The following C9orf57 variants were observed in gnomAD, a reference collection of about 807,000 sequenced individuals.
C9orf57 encodes the protein uncharacterized protein C9orf57.
Under a neutral mutation model 12.9 loss-of-function variants are expected in C9orf57, and 12 were observed. The observed-to-expected ratio is 0.93, with a 90% confidence interval of 0.60 to 1.51. The LOEUF is 1.51. Ranked by LOEUF, C9orf57 falls within the 40% of genes most tolerant of loss-of-function variation. The probability of loss-of-function intolerance (pLI) is 0.00; values close to 1 mark genes in which losing one functional copy is unlikely to be tolerated. For missense variants in C9orf57, 141 were observed against 162.8 expected (o/e 0.87, Z 0.73); for synonymous variants, 49 against 57.1 (o/e 0.86, Z 0.64).
At chr9:72,056,418 G>C (rs1171468077) in intron 3 of C9orf57, among the ~76,000 whole-genome samples, 1 of 150,906 alleles carries the variant, frequency 6.6e-6, no homozygotes, top group Non-Finnish European at 1.5e-5. Context: ...GGTGCACAGG[G>C]CCCAAGTTTA....
chr9:72,059,393 G>A lies in C9orf57; in HGVS notation c.-53-9C>T. On this transcript the variant is annotated splice_polypyrimidine_tract_variant and intron_variant, in intron 1 of 4. Coordinates refer to ENST00000651200, the MANE Select transcript of C9orf57 (RefSeq NM_001128618.2). ...ACACGTCCCACTGATTTCTGGGGAA[G>A]CAATAAAGTTACACATTTATGTTAG... The A allele has an allele frequency of 6.4e-7, 1 of 1,551,244 alleles. No individual in the cohort carries two copies.
chr9:72,053,682 T>G (rs550555882), intron 4 of C9orf57, among the ~76,000 whole-genome samples: 1 of 152,258 alleles, frequency 6.6e-6, no homozygotes, highest in South Asian at 2.1e-4. Flanking sequence ...CAAGTAACCC[T>G]CTTAATACCA....
At chr9:72,055,443 G>A (rs919080873) in intron 4 of C9orf57, among the ~76,000 whole-genome samples, 2 of 112,520 alleles carry the variant, frequency 1.8e-5, no homozygotes, top group African/African-American at 7.2e-5. Flanking sequence ...CTTCCTTTTC[G>A]AGACATGATC....
intron 4 of C9orf57, among the ~76,000 whole-genome samples, chr9:72,053,211 T>C (rs555517502): frequency 2.0e-5 from 3 of 152,306 alleles, no homozygotes; most frequent in African/African-American, 7.2e-5. Flanking sequence ...ATGATGCTGC[T>C]GTACATCCTA....
Position 72,056,889 on chromosome 9 carries a change from A to C in C9orf57, c.98-46T>G, listed in dbSNP as rs1387742665. 6 of 1,463,346 alleles carry C rather than the reference A, an allele frequency of 4.1e-6. No individual in the cohort carries two copies. In the Admixed American group the frequency reaches 1.2e-4, roughly 29 times the overall value. 90.6% of individuals were successfully genotyped at this position (1,463,346 alleles called of 1,614,324 possible). A position where few individuals can be genotyped will look rare whatever the true frequency, so the allele number is the denominator to read the frequency against. ...GGGATTGAAAGATTGCATGCTCTGC[A>C]AATGTATACATATATATGTATACTT... is the stretch of plus-strand genomic sequence containing the variant. On this transcript the variant is annotated intron_variant, in intron 2 of 4. Coordinates refer to ENST00000651200, the MANE Select transcript of C9orf57 (RefSeq NM_001128618.2).
chr9:72,056,091 T>C lies in C9orf57; in HGVS notation c.263A>G (p.Glu88Gly). Residue 88 changes from glutamate (E) to glycine (G), a missense_variant, in exon 4 of 5, where the codon GAA becomes GGA. Physicochemically the swap from Glu to Gly is moderately conservative, Grantham distance 98. Coordinates refer to ENST00000651200, the MANE Select transcript of C9orf57 (RefSeq NM_001128618.2). ...CQAEPGQYCKEEVHIQGGIQW... is the reference protein window; with the variant it reads ...CQAEPGQYCKGEVHIQGGIQW... The stretch of plus-strand genomic sequence containing the variant: ...AAACTTACCTTGAATGTGGACCTCT[T>C]CTTTACAGTACTGACCAGGTTCTGC... The C allele has an allele frequency of 6.5e-7, 1 of 1,548,664 alleles. No individual in the cohort carries two copies. The highest frequency in any genetic ancestry group is 8.7e-7 in the Non-Finnish European group (1 of 1,145,160).
intron 4 of C9orf57, among the ~76,000 whole-genome samples, chr9:72,053,120 C>T (rs1170772874): frequency 6.6e-6 from 1 of 152,038 alleles, no homozygotes; most frequent in East Asian, 1.9e-4. Flanking sequence ...GGGTAATACC[C>T]AGAGACATTG....
At position 72,052,612 on chromosome 9, in the gene C9orf57, T is replaced by C. The variant is rs1044024692; in HGVS notation, c.281-177A>G. ...TATTTTACCTTTAAGAACTCCCACTTAGACTATTGTAGTTGGGTACATTGC... is the reference window on the plus strand; with the variant it reads ...TATTTTACCTTTAAGAACTCCCACTCAGACTATTGTAGTTGGGTACATTGC... On this transcript the variant is annotated intron_variant, in intron 4 of 4. Coordinates refer to ENST00000651200, the MANE Select transcript of C9orf57 (RefSeq NM_001128618.2). Among the ~76,000 whole-genome samples the C allele has an allele frequency of 2.0e-5, 3 of 152,200 alleles. No individual in the cohort carries two copies. The East Asian group carries it at 5.8e-4, about 29-fold the overall frequency.
chr9:72,055,962 A>G (rs1231209872), intron 4 of C9orf57, 112 bp downstream of exon 4: 1 of 1,115,788 alleles, frequency 9.0e-7, no homozygotes, highest in Non-Finnish European at 1.2e-6. Context: ...TTGTTGGTGT[A>G]ATGTAGCCCT....
rs1235690219 is a variant in C9orf57, at chr9:72,060,497, C to T, written c.-54G>A. ...AATATTTCAGTTGTTCATGACCTAC[C>T]TATCTTTTTCATTAAGGTACTATGG... is the stretch of plus-strand genomic sequence containing the variant. On this transcript the variant is annotated splice_region_variant and 5_prime_UTR_variant, in exon 1 of 5. Transcript: ENST00000651200. 1 of 1,406,636 alleles carries T rather than the reference C, an allele frequency of 7.1e-7. No individual in the cohort carries two copies. Among genetic ancestry groups the T allele is most frequent in the Non-Finnish European group, 9.8e-7 (1 of 1,015,242 alleles). The allele number at this position is 1,406,636 out of a possible 1,614,324, so 87.1% of individuals were successfully genotyped here. A position where few individuals can be genotyped will look rare whatever the true frequency, so the allele number is the denominator to read the frequency against.
At chr9:72,053,394 T>C (rs4744654) in intron 4 of C9orf57, among the ~76,000 whole-genome samples, 129,381 of 152,164 alleles carry the variant, frequency 0.85, 55,154 homozygotes, top group Non-Finnish European at 0.89. Context: ...TTCCGAACAC[T>C]GTAGTCATTC....
chr9:72,052,435 C>A lies in C9orf57; in HGVS notation c.281G>T (p.Gly94Val). The A allele has an allele frequency of 6.4e-7, 1 of 1,551,316 alleles. No homozygotes were observed. The highest frequency in any genetic ancestry group is 8.7e-7 in the Non-Finnish European group (1 of 1,146,694). ...TTTGACTGAATACCATTGAATGCCA[C>A]CTGACGGAGAGAAAAGAGGTAAGGA... ...QYCKEEVHIQ[G>V]GIQWYSVKGC... Residue 94 changes from glycine to valine, a missense_variant and splice_region_variant, in exon 5 of 5, where the codon GGT becomes GTT. Coordinates refer to ENST00000651200, the MANE Select transcript of C9orf57 (RefSeq NM_001128618.2).
chr9:72,059,091 G>A, intron 2 of C9orf57, 144 bp downstream of exon 2: 2 of 959,008 alleles, frequency 2.1e-6, no homozygotes, highest in Non-Finnish European at 3.0e-6. Flanking sequence ...TGGTCAGGCT[G>A]GTCTTGAACT....
At position 72,053,616 on chromosome 9, in the gene C9orf57, A is replaced by G. The variant is rs535432550; in HGVS notation, c.281-1181T>C. On this transcript the variant is annotated intron_variant, in intron 4 of 4. Transcript: ENST00000651200. ...CCATAAAGAAGGGGCTGTGACTAGC[A>G]GAGGGGAGAACTGACCTTGGAGAGG... 3.3e-5 allele frequency among the ~76,000 whole-genome samples: 5 copies of G among 152,294 alleles called. No individual in the cohort carries two copies. The East Asian group carries it at 7.7e-4, about 24-fold the overall frequency.
At chr9:72,059,517 C>CCTG in intron 1 of C9orf57, 133 bp from the exon 2 acceptor site, 1 of 1,151,590 alleles carries the variant, frequency 8.7e-7, no homozygotes, top group Non-Finnish European at 1.2e-6. Context: ...AGGTACCTGT[C>CCTG]TTTATAAAAA....
At chr9:72,056,261 AAG>A in intron 3 of C9orf57, 65 bp from the exon 4 acceptor site, 2 of 1,342,468 alleles carry the variant, frequency 1.5e-6, no homozygotes, top group Admixed American at 5.1e-5. Context: ...ACGAGGAAGG[AAG>A]AGAGATCAAA....
rs370251625 is a variant in C9orf57, at chr9:72,054,132, G to A, written c.281-1697C>T. ...TCCTGCCTCAGCTCCCCAGGTAGCT[G>A]GGATTACAGGCATGCGCCACCACAC... On this transcript the variant is annotated intron_variant, in intron 4 of 4. Coordinates refer to ENST00000651200, the MANE Select transcript of C9orf57 (RefSeq NM_001128618.2). Among the ~76,000 whole-genome samples the A allele has an allele frequency of 4.6e-5, 7 of 152,310 alleles. No homozygotes were observed. The South Asian group carries it at 1.0e-3, about 23-fold the overall frequency.
chr9:72,056,912 C>A, intron 2 of C9orf57, 69 bp from the exon 3 acceptor site: 2 of 999,570 alleles, frequency 2.0e-6, no homozygotes, highest in South Asian at 1.7e-5. Flanking sequence ...TATATGTATA[C>A]TTTTTTTTTT....
chr9:72,055,936 A>G (rs1824190157), intron 4 of C9orf57, 138 bp downstream of exon 4: 3 of 854,816 alleles, frequency 3.5e-6, no homozygotes, highest in Non-Finnish European at 5.0e-6. Context: ...GGATCCATCC[A>G]GCTCTTTTCA....
Sources: gnomAD v4.1 joint callset for allele counts (sites outside exome capture counted in the v4.1 genomes callset) on GRCh38, gnomAD v4.1.1 for gene constraint, MANE v1.5 for transcripts, NCBI Gene and HGNC (gene_info 2026-07-23, HGNC 2026-07-21) for gene names.